Variants in MEI4 observed in about 807,000 individuals in gnomAD.
MEI4 encodes meiosis-specific protein MEI4.
MEI4 carries 27 observed loss-of-function variants against 31.4 expected under a neutral mutation model. The ratio of observed to expected loss-of-function variants is 0.86; its 90% CI spans 0.63 to 1.19. The LOEUF is 1.19. Among genes scored for constraint, MEI4 ranks in the 50% most tolerant of loss-of-function variants. The pLI is 0.00. For missense variants in MEI4, 329 were observed against 398.9 expected, an observed-to-expected ratio of 0.82 and a Z score of 1.49; for synonymous variants, 122 against 145.4, an observed-to-expected ratio of 0.84 and a Z score of 1.16.
chr6:77,913,655 T>C (rs927686888), intron 4 of MEI4, among the ~76,000 whole-genome samples: 4 of 152,024 alleles, frequency 2.6e-5, no homozygotes, highest in Non-Finnish European at 4.4e-5. Context: ...TTTCTGCTTG[T>C]ATTTATTTGG....
At chr6:77,799,698 A>G (rs1403994969) in intron 3 of MEI4, among the ~76,000 whole-genome samples, 2 of 152,152 alleles carry the variant, frequency 1.3e-5, no homozygotes, top group Admixed American at 6.5e-5. Flanking sequence ...ATCCAGTTTC[A>G]GCTATCTACA....
At chr6:77,711,325 T>C (rs898980579) in intron 2 of MEI4, among the ~76,000 whole-genome samples, 1 of 151,884 alleles carries the variant, frequency 6.6e-6, no homozygotes, top group Non-Finnish European at 1.5e-5. Flanking sequence ...TATGTATATG[T>C]GTATATATGT....
rs1766750700 is a variant in MEI4 at position 77,923,175 on chromosome 6, A to C, written c.987A>C (p.Glu329Asp). 8.1e-7 allele frequency: 1 copy of C among 1,230,560 alleles called. No individual in the cohort carries two copies. The highest frequency in any genetic ancestry group is 1.0e-6 in the Non-Finnish European group (1 of 986,966). 76.2% of individuals were successfully genotyped at this position (1,230,560 alleles called of 1,614,324 possible). A position where few individuals can be genotyped will look rare whatever the true frequency, so the allele number is the denominator to read the frequency against. ...VLEQLLQKET[E>D]EGNTSSIGHD... ...AGCAGCTTCTTCAAAAGGAAACCGA[A>C]GAAGGCAACACTTCAAGTATAGGTC... Residue 329 changes from glutamate (E) to aspartate (D), a missense_variant, in exon 5 of 5, where the codon GAA becomes GAC. Transcript: ENST00000684080.
intron 4 of MEI4, among the ~76,000 whole-genome samples, chr6:77,830,839 G>C (rs1484615833): frequency 6.6e-6 from 1 of 151,832 alleles, no homozygotes; most frequent in Non-Finnish European, 1.5e-5. Flanking sequence ...ACATTGGCCT[G>C]GACAAAGATT....
intron 2 of MEI4, among the ~76,000 whole-genome samples, chr6:77,693,673 T>TG (rs1769201752): frequency 6.6e-6 from 1 of 151,896 alleles, no homozygotes; most frequent in Admixed American, 6.6e-5. Context: ...TTTAGATAAA[T>TG]GGAGTAACTG....
intron 4 of MEI4, among the ~76,000 whole-genome samples, chr6:77,895,873 A>G (rs535193235): frequency 1.3e-5 from 2 of 152,246 alleles, no homozygotes; most frequent in African/African-American, 4.8e-5. Flanking sequence ...CTTTTATTCC[A>G]GTTCCTGAAC....
At chr6:77,876,969 T>A (rs1771356496) in intron 4 of MEI4, among the ~76,000 whole-genome samples, 1 of 152,134 alleles carries the variant, frequency 6.6e-6, no homozygotes, top group African/African-American at 2.4e-5. Context: ...AATGTTAGGT[T>A]CATGCCCATT....
chr6:77,808,575 C>T (rs1449923999), intron 3 of MEI4, among the ~76,000 whole-genome samples: 1 of 151,916 alleles, frequency 6.6e-6, no homozygotes, highest in African/African-American at 2.4e-5. Flanking sequence ...TTAATGTTTG[C>T]AAAAGGAAAA....
At chr6:77,900,918 G>A (rs1183149219) in intron 4 of MEI4, among the ~76,000 whole-genome samples, 1 of 151,790 alleles carries the variant, frequency 6.6e-6, no homozygotes, top group African/African-American at 2.4e-5. Flanking sequence ...CTGCTACTAT[G>A]AGTTCAACTT....
At chr6:77,887,526 A>C (rs1168956049) in intron 4 of MEI4, among the ~76,000 whole-genome samples, 1 of 151,892 alleles carries the variant, frequency 6.6e-6, no homozygotes, top group Admixed American at 6.6e-5. Flanking sequence ...CGAACTCCTG[A>C]CCTCAGATGA....
chr6:77,744,318 G>A (rs9448194), intron 2 of MEI4, among the ~76,000 whole-genome samples: 1,573 of 152,250 alleles, frequency 0.01, 28 homozygotes, highest in African/African-American at 0.036. Flanking sequence ...ACTACGTGAA[G>A]AATGCAGAAG....
At chr6:77,714,414 A>G (rs1223812129) in intron 2 of MEI4, among the ~76,000 whole-genome samples, 1 of 152,210 alleles carries the variant, frequency 6.6e-6, no homozygotes. Context: ...CACACATTGT[A>G]ATATCATTTA....
chr6:77,867,421 C>G (rs1433380303), intron 4 of MEI4, among the ~76,000 whole-genome samples: 5 of 152,178 alleles, frequency 3.3e-5, no homozygotes, highest in South Asian at 2.1e-4. Flanking sequence ...TGAACAGACA[C>G]TTCTCAAAAG....
At chr6:77,911,200 T>G (rs1199589438) in intron 4 of MEI4, among the ~76,000 whole-genome samples, 2 of 152,110 alleles carry the variant, frequency 1.3e-5, no homozygotes, top group South Asian at 4.1e-4. Context: ...GGCAAATATA[T>G]TCTCTCATTC....
At chr6:77,760,417 C>G (rs1373360051) in intron 2 of MEI4, among the ~76,000 whole-genome samples, 3 of 151,648 alleles carry the variant, frequency 2.0e-5, no homozygotes, top group African/African-American at 7.3e-5. Context: ...TCACTCTACA[C>G]TTTACAGGAT....
At chr6:77,769,558 C>A (rs964895811) in intron 3 of MEI4, among the ~76,000 whole-genome samples, 5 of 152,092 alleles carry the variant, frequency 3.3e-5, no homozygotes, top group Non-Finnish European at 7.4e-5. Context: ...ACCCCTCCAC[C>A]AACCCCAGGC....
chr6:77,754,326 A>C (rs1224030763), intron 2 of MEI4, among the ~76,000 whole-genome samples: 2 of 152,232 alleles, frequency 1.3e-5, no homozygotes, highest in Non-Finnish European at 2.9e-5. Context: ...CGGCAGAGGC[A>C]AAATGCCGCC....
At chr6:77,879,955 C>T (rs1386779919) in intron 4 of MEI4, among the ~76,000 whole-genome samples, 2 of 152,100 alleles carry the variant, frequency 1.3e-5, no homozygotes, top group African/African-American at 4.8e-5. Context: ...TCAAAAAATG[C>T]TATTCTGTTT....
At chr6:77,682,974 G>A (rs1239625359) in intron 1 of MEI4, among the ~76,000 whole-genome samples, 2 of 152,138 alleles carry the variant, frequency 1.3e-5, no homozygotes, top group Non-Finnish European at 2.9e-5. Flanking sequence ...TTCCATGGAC[G>A]ATGTTTCCTC....
Sources: gnomAD v4.1 joint callset for allele counts (sites outside exome capture counted in the v4.1 genomes callset) on GRCh38, gnomAD v4.1.1 for gene constraint, MANE v1.5 for transcripts, NCBI Gene and HGNC (gene_info 2026-07-23, HGNC 2026-07-21) for gene names.